Variants in ESCO1 observed in about 807,000 individuals in gnomAD.
ESCO1 encodes the protein N-acetyltransferase ESCO1.
A neutral mutation model predicts 83.5 loss-of-function variants in ESCO1; 33 were observed. The ratio of observed to expected loss-of-function variants is 0.40; its 90% CI spans 0.30 to 0.53. The LOEUF (loss-of-function observed/expected upper bound fraction) is 0.53, where lower values mean the gene tolerates loss of function less well. ESCO1 is among the 20% of genes least tolerant of loss of function. The probability of loss-of-function intolerance (pLI) is 0.63; values close to 1 mark genes in which losing one functional copy is unlikely to be tolerated. For missense variants in ESCO1, 855 were observed against 968.0 expected (o/e 0.88, Z 1.55); for synonymous variants, 332 against 324.3 (o/e 1.02, Z -0.25).
At chr18:21,577,813 C>T (rs560656416) in intron 2 of ESCO1, among the ~76,000 whole-genome samples, 4 of 152,180 alleles carry the variant, frequency 2.6e-5, no homozygotes, top group African/African-American at 7.2e-5. Context: ...ATACTGACAA[C>T]AGAAGGAATA....
At chr18:21,596,677 T>TA (rs966313970) in intron 1 of ESCO1, among the ~76,000 whole-genome samples, 12 of 151,562 alleles carry the variant, frequency 7.9e-5, no homozygotes, top group East Asian at 3.9e-4. Flanking sequence ...CACAAAAATA[T>TA]AAAAAAAACT....
At chr18:21,553,472 AAAAAT>A (rs1294827150) in intron 8 of ESCO1, among the ~76,000 whole-genome samples, 65 of 64,326 alleles carry the variant, frequency 1.0e-3, no homozygotes, top group Admixed American at 2.2e-3. Context: ...AAAAAAAAAA[AAAAAT>A]TTTTTTTGAA....
At chr18:21,583,704 A>G (rs2038535213) in intron 2 of ESCO1, among the ~76,000 whole-genome samples, 2 of 152,138 alleles carry the variant, frequency 1.3e-5, no homozygotes, top group African/African-American at 4.8e-5. Flanking sequence ...GACAAAAAGC[A>G]GCTCAGTCAT....
chr18:21,592,367 C>T (rs1455569787), intron 1 of ESCO1, among the ~76,000 whole-genome samples: 4 of 56,524 alleles, frequency 7.1e-5, no homozygotes, highest in Non-Finnish European at 1.1e-4. Flanking sequence ...GGCGGCTGGC[C>T]GGGCGGGGGA....
At chr18:21,532,086 C>A (rs1488405334) in intron 11 of ESCO1, among the ~76,000 whole-genome samples, 1 of 152,042 alleles carries the variant, frequency 6.6e-6, no homozygotes, top group East Asian at 1.9e-4. Flanking sequence ...TGATAGTTTA[C>A]AAATAATATT....
chr18:21,553,898 C>G (rs956084456), intron 8 of ESCO1, among the ~76,000 whole-genome samples: 10 of 149,692 alleles, frequency 6.7e-5, no homozygotes, highest in African/African-American at 2.4e-4. Flanking sequence ...CAAAAAAAAC[C>G]GTTACCCAAA....
chr18:21,568,835 G>A (rs11664857), intron 4 of ESCO1, among the ~76,000 whole-genome samples: 22,462 of 151,324 alleles, frequency 0.15, 1,901 homozygotes, highest in Middle Eastern at 0.26. Flanking sequence ...CCTGGGAGGC[G>A]GAGGTTGCAG....
intron 1 of ESCO1, among the ~76,000 whole-genome samples, chr18:21,595,592 C>T (rs1488538010): frequency 4.0e-5 from 6 of 151,136 alleles, no homozygotes; most frequent in Non-Finnish European, 7.4e-5. Context: ...TGGCTGAACC[C>T]GGGAGGCAGA....
intron 10 of ESCO1, among the ~76,000 whole-genome samples, chr18:21,535,652 G>T (rs892220730): frequency 7.2e-5 from 11 of 152,180 alleles, no homozygotes; most frequent in Admixed American, 2.0e-4. Flanking sequence ...AAAGTGCTGG[G>T]ATTACAGGCG....
chr18:21,543,223 C>T (rs998747487), intron 8 of ESCO1, among the ~76,000 whole-genome samples: 6 of 152,082 alleles, frequency 3.9e-5, no homozygotes, highest in African/African-American at 1.4e-4. Context: ...GGCGCAATCT[C>T]GGCTCACTGC....
chr18:21,561,282 T>A (rs1401554091), intron 7 of ESCO1, among the ~76,000 whole-genome samples: 1 of 152,202 alleles, frequency 6.6e-6, no homozygotes, highest in Non-Finnish European at 1.5e-5. Flanking sequence ...AAATACTCTA[T>A]GAATGAGAAC....
chr18:21,538,160 G>T (rs965322179), intron 9 of ESCO1, among the ~76,000 whole-genome samples: 7 of 151,918 alleles, frequency 4.6e-5, no homozygotes, highest in Non-Finnish European at 8.8e-5. Context: ...GGAATCAAAA[G>T]TTGTACTTGG....
intron 10 of ESCO1, among the ~76,000 whole-genome samples, chr18:21,534,296 C>G (rs1293880036): frequency 6.6e-6 from 1 of 151,922 alleles, no homozygotes; most frequent in Non-Finnish European, 1.5e-5. Flanking sequence ...TTCACTCATG[C>G]AAAAAAATCA....
intron 9 of ESCO1, among the ~76,000 whole-genome samples, chr18:21,537,709 A>G (rs1044741567): frequency 4.6e-5 from 7 of 152,200 alleles, no homozygotes; most frequent in African/African-American, 1.7e-4. Context: ...TTTTGTTCCG[A>G]TAAACTAAAA....
At chr18:21,550,860 C>T (rs1198468146) in intron 8 of ESCO1, among the ~76,000 whole-genome samples, 1 of 152,152 alleles carries the variant, frequency 6.6e-6, no homozygotes, top group Non-Finnish European at 1.5e-5. Context: ...CGCCTGTAAT[C>T]CCAGTACTTT....
chr18:21,586,952 G>A (rs2038590243), intron 1 of ESCO1, among the ~76,000 whole-genome samples: 1 of 152,088 alleles, frequency 6.6e-6, no homozygotes, highest in Admixed American at 6.6e-5. Flanking sequence ...ATCATGAAAG[G>A]ATATTTCATT....
At chr18:21,541,938 T>A (rs2037913360) in intron 8 of ESCO1, among the ~76,000 whole-genome samples, 1 of 152,194 alleles carries the variant, frequency 6.6e-6, no homozygotes. Flanking sequence ...TATATTGCAT[T>A]ATAGACATTA....
intron 7 of ESCO1, among the ~76,000 whole-genome samples, chr18:21,562,832 T>C (rs990354452): frequency 2.0e-5 from 3 of 152,088 alleles, no homozygotes; most frequent in South Asian, 2.1e-4. Flanking sequence ...TTCTGCAATA[T>C]AGATATTCAA....
chr18:21,564,617 C>G (rs936728124), intron 6 of ESCO1, among the ~76,000 whole-genome samples: 1 of 151,222 alleles, frequency 6.6e-6, no homozygotes, highest in Non-Finnish European at 1.5e-5. Context: ...AGGATGGTCT[C>G]GATCTCCTGA....
Sources: allele counts gnomAD v4.1 joint callset (sites outside exome capture counted in the v4.1 genomes callset), GRCh38; gene constraint gnomAD v4.1.1; transcripts MANE v1.5; gene names NCBI Gene and HGNC (gene_info 2026-07-23, HGNC 2026-07-21).